KALRN: variants seen among roughly 807,000 people sequenced by gnomAD.
KALRN encodes the protein kalirin.
A neutral mutation model predicts 353.7 loss-of-function variants in KALRN; 70 were observed. The ratio of observed to expected loss-of-function variants is 0.20; its 90% confidence interval spans 0.16 to 0.24. KALRN has a LOEUF of 0.24. Ranked by LOEUF, KALRN falls within the 10% of genes least tolerant of loss-of-function variation. KALRN has a pLI of 1.00. For missense variants in KALRN, 2,791 were observed against 3,756.7 expected (o/e 0.74, Z 6.72); for synonymous variants, 1,391 against 1,434.8 (o/e 0.97, Z 0.69).
intron 33 of KALRN, chr3:124,519,075 C>T (rs1478313289): frequency 1.0e-6 from 1 of 985,880 alleles, no homozygotes; most frequent in African/African-American, 1.7e-5. Flanking sequence ...TTTGCTTCAG[C>T]CTACTCAGAT....
intron 16 of KALRN, among the ~76,000 whole-genome samples, chr3:124,432,855 A>C (rs2150478397): frequency 6.6e-6 from 1 of 152,300 alleles, no homozygotes; most frequent in East Asian, 1.9e-4. Context: ...ATTGATGTTG[A>C]GATATAGGCC....
intron 51 of KALRN, among the ~76,000 whole-genome samples, chr3:124,693,485 GA>G (rs1327579812): frequency 6.6e-6 from 1 of 152,140 alleles, no homozygotes; most frequent in Non-Finnish European, 1.5e-5. Flanking sequence ...CCTGTGAAGG[GA>G]AGAAAAGCAA....
At chr3:124,688,072 C>T (rs772644487) in intron 51 of KALRN, among the ~76,000 whole-genome samples, 2 of 151,880 alleles carry the variant, frequency 1.3e-5, no homozygotes, top group East Asian at 3.9e-4. Context: ...GCACATTGGG[C>T]GGGCACAGGT....
chr3:124,526,476 G>A (rs1561223329), intron 33 of KALRN, among the ~76,000 whole-genome samples: 1 of 152,128 alleles, frequency 6.6e-6, no homozygotes. Flanking sequence ...TTGGGAGGCT[G>A]AGGTGGGAGG....
At chr3:124,584,784 C>T (rs770178375) in intron 34 of KALRN, 2 of 1,576,304 alleles carry the variant, frequency 1.3e-6, no homozygotes, top group Non-Finnish European at 1.7e-6. Flanking sequence ...CGGGCTGGCG[C>T]CCCGTGCCAT....
intron 1 of KALRN, among the ~76,000 whole-genome samples, chr3:124,121,108 A>AAT (rs1239371419): frequency 6.6e-6 from 1 of 151,274 alleles, no homozygotes; most frequent in African/African-American, 2.4e-5. Context: ...AAAAAAAAAA[A>AAT]AAAAAAGAAA....
intron 17 of KALRN, among the ~76,000 whole-genome samples, chr3:124,435,674 C>T (rs533162119): frequency 6.6e-6 from 1 of 152,290 alleles, no homozygotes; most frequent in Non-Finnish European, 1.5e-5. Context: ...GTCTCCACCC[C>T]TTCTTTCAGT....
At chr3:124,268,445 A>C (rs1253420974) in intron 4 of KALRN, 2 of 387,802 alleles carry the variant, frequency 5.2e-6, no homozygotes, top group Non-Finnish European at 9.5e-6. Flanking sequence ...TTTTGAAGTG[A>C]ACTGGGGTCA....
chr3:124,298,663 T>G, intron 5 of KALRN, 128 bp from the exon 6 acceptor site: 1 of 1,097,512 alleles, frequency 9.1e-7, no homozygotes, highest in South Asian at 1.4e-5. Context: ...ACCCCGAGAC[T>G]CAGAACAATA....
chr3:124,417,375 ACTT>A (rs1225220407), intron 14 of KALRN, among the ~76,000 whole-genome samples: 3 of 152,144 alleles, frequency 2.0e-5, no homozygotes, highest in Admixed American at 6.5e-5. Context: ...GCCAGGCCAT[ACTT>A]CTTCTCTCCC....
At chr3:124,623,321 T>C (rs187729318) in intron 34 of KALRN, among the ~76,000 whole-genome samples, 6 of 151,152 alleles carry the variant, frequency 4.0e-5, no homozygotes, top group Non-Finnish European at 8.8e-5. Context: ...TTTTATTTGG[T>C]TACTAATTGT....
intron 33 of KALRN, among the ~76,000 whole-genome samples, chr3:124,533,013 CTAATTATATATA>C (rs2068184226): frequency 6.8e-6 from 1 of 147,148 alleles, no homozygotes; most frequent in Non-Finnish European, 1.5e-5. Context: ...AAATAATAAC[CTAATTATATATA>C]TAATTATATA....
intron 13 of KALRN, among the ~76,000 whole-genome samples, chr3:124,409,778 GA>G (rs3834188): frequency 1.3e-5 from 2 of 151,976 alleles, no homozygotes; most frequent in African/African-American, 4.8e-5. Flanking sequence ...AGAACCTAAT[GA>G]AAAAAACATT....
intron 8 of KALRN, among the ~76,000 whole-genome samples, chr3:124,330,456 T>G (rs1418211167): frequency 6.6e-6 from 1 of 152,016 alleles, no homozygotes; most frequent in Non-Finnish European, 1.5e-5. Context: ...TAAAAAAAGA[T>G]TAATTTTCTC....
rs554950156 is a variant in KALRN at position 124,199,476 on chromosome 3, T to G, written c.74-28514T>G. On this transcript the variant is annotated intron_variant, in intron 1 of 59. Transcript: ENST00000682506. ...AGGAGAGTGACAAGCTAGTTTCCTT[T>G]TATACTCTGGAGAGGGAAAAAAGAA... Among the ~76,000 whole-genome samples, 61 of 152,354 alleles carry G rather than the reference T, an allele frequency of 4.0e-4. No homozygotes were observed. In the South Asian group the frequency reaches 0.011, roughly 27 times the overall value.
Position 124,659,236 on chromosome 3 carries a change from A to G in KALRN, c.6124-129A>G, listed in dbSNP as rs907771599. 29 of 713,324 alleles carry G rather than the reference A, an allele frequency of 4.1e-5. No homozygotes were observed. The African/African-American group carries it at 4.6e-4, about 11-fold the overall frequency. 44.2% of individuals were successfully genotyped at this position (713,324 alleles called of 1,614,324 possible). A position where few individuals can be genotyped will look rare whatever the true frequency, so the allele number is the denominator to read the frequency against. ...AGTCCTCTAGGCAATTTTACCTCTCACATTACTTAAAGATTCTTCAACTTC... is the reference window on the plus strand; with the variant it reads ...AGTCCTCTAGGCAATTTTACCTCTCGCATTACTTAAAGATTCTTCAACTTC... On this transcript the variant is annotated intron_variant, in intron 42 of 59. Transcript: ENST00000682506.
intron 34 of KALRN, among the ~76,000 whole-genome samples, chr3:124,573,052 G>T (rs1442715621): frequency 6.6e-6 from 1 of 151,934 alleles, no homozygotes; most frequent in African/African-American, 2.4e-5. Flanking sequence ...AAATGTCTTG[G>T]GGTGGAAGGC....
At chr3:124,678,737 G>A (rs926982883) in intron 50 of KALRN, 3 of 160,746 alleles carry the variant, frequency 1.9e-5, no homozygotes, top group Admixed American at 1.2e-4. Context: ...GGAATTTAAG[G>A]GCCACTGTGT....
At chr3:124,210,472 G>A (rs1382327035) in intron 1 of KALRN, among the ~76,000 whole-genome samples, 2 of 152,132 alleles carry the variant, frequency 1.3e-5, no homozygotes, top group African/African-American at 4.8e-5. Context: ...TTCTCCTCTG[G>A]GATGCTCCTT....
Sources: gnomAD v4.1 joint callset for allele counts (sites outside exome capture counted in the v4.1 genomes callset) on GRCh38, gnomAD v4.1.1 for gene constraint, MANE v1.5 for transcripts, NCBI Gene and HGNC (gene_info 2026-07-23, HGNC 2026-07-21) for gene names.